The following ZMIZ1 variants were observed in gnomAD, a reference collection of about 807,000 sequenced individuals.
ZMIZ1 encodes the protein zinc finger MIZ-type containing 1, also known as zinc finger MIZ domain-containing protein 1.
ZMIZ1 carries 17 observed loss-of-function variants against 113.9 expected under a neutral mutation model. The observed-to-expected ratio is 0.15, with a 90% CI of 0.10 to 0.22. The LOEUF is 0.22. Ranked by LOEUF, ZMIZ1 falls within the 10% of genes least tolerant of loss-of-function variation. The pLI is 1.00. For synonymous variants in ZMIZ1, 607 were observed against 603.1 expected (o/e 1.01, Z -0.09); for missense variants, 1,059 against 1,477.8 (o/e 0.72, Z 4.65).
intron 3 of ZMIZ1, among the ~76,000 whole-genome samples, chr10:79,154,905 G>A (rs2132465963): frequency 6.6e-6 from 1 of 152,314 alleles, no homozygotes; most frequent in East Asian, 1.9e-4. Context: ...GCAACCCTGA[G>A]CCAGTGATAA....
intron 9 of ZMIZ1, among the ~76,000 whole-genome samples, chr10:79,290,293 C>G (rs1853392867): frequency 6.6e-6 from 1 of 152,220 alleles, no homozygotes; most frequent in Non-Finnish European, 1.5e-5. Context: ...TCTGACAACT[C>G]CCTACTCCCC....
chr10:79,258,613 T>G (rs920835968), intron 7 of ZMIZ1, among the ~76,000 whole-genome samples: 3 of 152,218 alleles, frequency 2.0e-5, no homozygotes, highest in Non-Finnish European at 2.9e-5. Flanking sequence ...GTGATTGTCA[T>G]GCGTAGGGTC....
intron 6 of ZMIZ1, among the ~76,000 whole-genome samples, chr10:79,214,092 C>T (rs1848626270): frequency 6.6e-6 from 1 of 152,204 alleles, no homozygotes; most frequent in South Asian, 2.1e-4. Flanking sequence ...GCAGTGGTCC[C>T]TCCAGCCCAG....
intron 7 of ZMIZ1, among the ~76,000 whole-genome samples, chr10:79,259,611 C>CA (rs1851135952): frequency 1.3e-5 from 2 of 151,340 alleles, no homozygotes; most frequent in South Asian, 4.2e-4. Context: ...TATTCTCTAT[C>CA]ACCTTCTTTT....
chr10:79,288,859 T>C (rs1219739339), intron 8 of ZMIZ1, among the ~76,000 whole-genome samples: 1 of 152,226 alleles, frequency 6.6e-6, no homozygotes, highest in African/African-American at 2.4e-5. Flanking sequence ...AACTCCTTGC[T>C]TCTGATACGT....
chr10:79,280,058 G>A (rs978678730), intron 8 of ZMIZ1, among the ~76,000 whole-genome samples: 20 of 150,646 alleles, frequency 1.3e-4, no homozygotes, highest in Middle Eastern at 3.4e-3. Context: ...GCGCAATCTC[G>A]GCTGACTGCA....
rs144723512 is a variant in ZMIZ1, at chr10:79,252,911, G to T, written c.281-24270G>T. Among the ~76,000 whole-genome samples, 392 of 152,312 alleles carry T rather than the reference G, an allele frequency of 2.6e-3. 2 individuals carry two copies. Among genetic ancestry groups the T allele is most frequent in the African/African-American group, 9.0e-3 (376 of 41,556 alleles). On this transcript the variant is annotated intron_variant, in intron 7 of 24. Coordinates refer to ENST00000334512, the MANE Select transcript of ZMIZ1 (RefSeq NM_020338.4). ...CTATGACTATAGCTCGCTCAAGTTT[G>T]TATGGTGAGCATCCAGATAGGCAAC... is the stretch of plus-strand genomic sequence containing the variant.
At chr10:79,184,602 C>G (rs1281352397) in intron 4 of ZMIZ1, among the ~76,000 whole-genome samples, 3 of 152,234 alleles carry the variant, frequency 2.0e-5, no homozygotes, top group Non-Finnish European at 4.4e-5. Flanking sequence ...ACTCACCTCT[C>G]TCTGCCTTCC....
chr10:79,114,960 A>G (rs1057124861), intron 1 of ZMIZ1, among the ~76,000 whole-genome samples: 1 of 152,202 alleles, frequency 6.6e-6, no homozygotes, highest in African/African-American at 2.4e-5. Flanking sequence ...ACCTGGGAGG[A>G]CTTGCTAAAA....
At chr10:79,210,742 TTA>T (rs1358084714) in intron 6 of ZMIZ1, among the ~76,000 whole-genome samples, 1 of 152,080 alleles carries the variant, frequency 6.6e-6, no homozygotes, top group Admixed American at 6.5e-5. Context: ...AGTCTGGGCA[TTA>T]TTTGGAGGGC....
At chr10:79,161,407 C>T (rs916410588) in intron 3 of ZMIZ1, among the ~76,000 whole-genome samples, 2 of 152,226 alleles carry the variant, frequency 1.3e-5, no homozygotes, top group Non-Finnish European at 2.9e-5. Context: ...CTCCCTTGCT[C>T]AGTGCATCTG....
intron 7 of ZMIZ1, among the ~76,000 whole-genome samples, chr10:79,250,646 T>C (rs910040304): frequency 6.6e-6 from 1 of 152,206 alleles, no homozygotes; most frequent in African/African-American, 2.4e-5. Context: ...CTACCCATAG[T>C]TTGTCAGGGT....
chr10:79,089,209 G>A (rs539173111), intron 1 of ZMIZ1, among the ~76,000 whole-genome samples: 1 of 152,358 alleles, frequency 6.6e-6, no homozygotes, highest in East Asian at 1.9e-4. Context: ...TCCCATGGAG[G>A]AGAGGTTCTC....
At chr10:79,092,050 C>G (rs1008892692) in intron 1 of ZMIZ1, among the ~76,000 whole-genome samples, 6 of 152,222 alleles carry the variant, frequency 3.9e-5, no homozygotes, top group African/African-American at 1.4e-4. Flanking sequence ...TTCCCACCAG[C>G]CCCGCTCCAT....
chr10:79,303,802 A>G (rs1167087952), intron 18 of ZMIZ1, among the ~76,000 whole-genome samples: 1 of 152,196 alleles, frequency 6.6e-6, no homozygotes, highest in Non-Finnish European at 1.5e-5. Flanking sequence ...GCACACACAC[A>G]CCACACGTGT....
chr10:79,307,504 AC>A lies in ZMIZ1; in HGVS notation c.2774del (p.Pro925ArgfsTer82). ...DFMHGPPQLS[H>X]PPDMPNNMAA... The stretch of plus-strand genomic sequence containing the variant: ...ATGCACGGGCCCCCCCAGCTCTCCC[AC>A]CCCCCGGACATGCCCAACAACATGG... On this transcript the variant is annotated frameshift_variant, in exon 23 of 25. Coordinates refer to ENST00000334512, the MANE Select transcript of ZMIZ1 (RefSeq NM_020338.4). LOFTEE classifies it high-confidence loss of function. The A allele has an allele frequency of 1.6e-6, 2 of 1,287,586 alleles. No homozygotes were observed. The highest frequency in any genetic ancestry group is 3.7e-5 in the East Asian group (1 of 26,964). 79.8% of individuals were successfully genotyped at this position (1,287,586 alleles called of 1,614,324 possible).
intron 7 of ZMIZ1, among the ~76,000 whole-genome samples, chr10:79,242,207 C>G (rs929137297): frequency 1.3e-5 from 2 of 152,094 alleles, no homozygotes; most frequent in African/African-American, 2.4e-5. Context: ...GCCCGGAGCC[C>G]TTGCGACAGA....
intron 1 of ZMIZ1, among the ~76,000 whole-genome samples, chr10:79,070,051 GTTCT>G (rs1842204908): frequency 6.7e-6 from 1 of 148,614 alleles, no homozygotes; most frequent in African/African-American, 2.5e-5. Context: ...ATTTCCCCGT[GTTCT>G]TTCTTCCTCT....
In ZMIZ1 at chr10:79,293,447, A is replaced by T; in HGVS notation, c.1024A>T (p.Met342Leu). The T allele has an allele frequency of 6.5e-7, 1 of 1,540,842 alleles. No homozygotes were observed. Among genetic ancestry groups the T allele is most frequent in the Non-Finnish European group, 8.7e-7 (1 of 1,143,536 alleles). The change falls in exon 12 of 25, where the codon ATG (methionine) becomes TTG (leucine). Residue 342 changes from methionine to leucine, a missense_variant. Met to Leu is a conservative substitution (Grantham distance 15). Transcript: ENST00000334512. ...NQPGPRGPAS[M>L]GGSMNPASMA... is the part of the protein sequence containing the mutation. Reference sequence around the variant, plus strand: ...GCCCGGGCCGCGGGGGCCTGCCTCCATGGGGGGCAGCATGAACCCCGCGAG... The same window carrying T: ...GCCCGGGCCGCGGGGGCCTGCCTCCTTGGGGGGCAGCATGAACCCCGCGAG...
Sources: gnomAD v4.1 joint callset for allele counts (sites outside exome capture counted in the v4.1 genomes callset) on GRCh38, gnomAD v4.1.1 for gene constraint, MANE v1.5 for transcripts, NCBI Gene and HGNC (gene_info 2026-07-23, HGNC 2026-07-21) for gene names.